Variants in MIER2 observed in about 807,000 individuals in gnomAD.
The protein encoded by MIER2 is mesoderm induction early response protein 2.
MIER2 carries 30 observed loss-of-function variants against 67.6 expected under a neutral mutation model. That is an observed-to-expected ratio of 0.44 (90% CI 0.33 to 0.60). The LOEUF is 0.60. Ranked by LOEUF, MIER2 falls within the 20% of genes least tolerant of loss-of-function variation. The probability of loss-of-function intolerance (pLI) is 0.02; values close to 1 mark genes in which losing one functional copy is unlikely to be tolerated. For missense variants in MIER2, 702 were observed against 745.1 expected (o/e 0.94, Z 0.67); for synonymous variants, 372 against 312.6 (o/e 1.19, Z -2.00).
At chr19:313,855 G>A (rs1971124987) in intron 7 of MIER2, among the ~76,000 whole-genome samples, 1 of 152,168 alleles carries the variant, frequency 6.6e-6, no homozygotes, top group African/African-American at 2.4e-5. Flanking sequence ...AGCAGGCTCT[G>A]GGCACCACAC....
intron 3 of MIER2, among the ~76,000 whole-genome samples, chr19:332,042 A>C (rs1972050764): frequency 1.3e-5 from 2 of 152,226 alleles, no homozygotes; most frequent in South Asian, 4.1e-4. Flanking sequence ...AGAGATATGG[A>C]AAACTAAAAA....
chr19:310,780 C>T lies in MIER2; in HGVS notation c.984+1065G>A, dbSNP rs192045134. 1.7e-3 allele frequency among the ~76,000 whole-genome samples: 247 copies of T among 145,068 alleles called. 2 individuals carry two copies. The highest frequency in any genetic ancestry group is 5.2e-3 in the South Asian group (24 of 4,646). On this transcript the variant is annotated intron_variant, in intron 10 of 13. Transcript: ENST00000264819. Reference sequence around the variant, plus strand: ...CAGAAACACGGAGTCCATAGAAACACGGCCCAGAGTCCAGAAACACAGCCT... The same window carrying T: ...CAGAAACACGGAGTCCATAGAAACATGGCCCAGAGTCCAGAAACACAGCCT...
intron 4 of MIER2, among the ~76,000 whole-genome samples, chr19:327,496 G>A (rs1248774931): frequency 6.6e-6 from 1 of 152,250 alleles, no homozygotes; most frequent in Non-Finnish European, 1.5e-5. Context: ...CACGCCCGGA[G>A]TGCATGGCTC....
chr19:342,587 T>C (rs1972555558), intron 1 of MIER2, among the ~76,000 whole-genome samples: 1 of 149,792 alleles, frequency 6.7e-6, no homozygotes, highest in Non-Finnish European at 1.5e-5. Context: ...GATGGTGCTC[T>C]TAGGTTTTTA....
In MIER2 at chr19:326,488, A is replaced by G; in HGVS notation, c.585+19T>C. The G allele has an allele frequency of 6.2e-7, 1 of 1,607,870 alleles. No individual in the cohort carries two copies. Among genetic ancestry groups the G allele is most frequent in the Non-Finnish European group, 8.5e-7 (1 of 1,174,570 alleles). ...CCACGGCCGGGATGCCAGGTTGGGGAGATGGCAGAACCACGTACCTTCTTA... is the reference window on the plus strand; with the variant it reads ...CCACGGCCGGGATGCCAGGTTGGGGGGATGGCAGAACCACGTACCTTCTTA... On this transcript the variant is annotated intron_variant, in intron 6 of 13. Coordinates refer to ENST00000264819, the MANE Select transcript of MIER2 (RefSeq NM_017550.3).
Position 307,436 on chromosome 19 carries a change from C to A in MIER2, c.1299G>T (p.Gln433His). Residue 433 changes from glutamine to histidine, a missense_variant, in exon 13 of 14, where the codon CAG (glutamine) becomes CAT (histidine). Gln to His is a conservative substitution (Grantham distance 24). Coordinates refer to ENST00000264819, the MANE Select transcript of MIER2 (RefSeq NM_017550.3). ...SSEPGPCSFQ[Q>H]LDESPAVPLS... ...GGGGTACAGCGGGGGACTCATCCAG[C>A]TGCTGGAAGGAACACGGCCCTGGCT... 1 of 1,593,442 alleles carries A rather than the reference C, an allele frequency of 6.3e-7. No homozygotes were observed. Among genetic ancestry groups the A allele is most frequent in the Non-Finnish European group, 8.5e-7 (1 of 1,170,314 alleles).
intron 7 of MIER2, 27 bp downstream of exon 7, chr19:325,608 C>A: frequency 6.2e-7 from 1 of 1,613,960 alleles, no homozygotes; most frequent in Non-Finnish European, 8.5e-7. Flanking sequence ...AAGTGGGTTT[C>A]GCCTCCTCTC....
At chr19:311,343 C>T (rs1387421346) in intron 10 of MIER2, among the ~76,000 whole-genome samples, 5 of 152,260 alleles carry the variant, frequency 3.3e-5, no homozygotes, top group Non-Finnish European at 7.3e-5. Context: ...CAGAGACCCA[C>T]AGAGGACGTG....
rs763025488 is a variant in MIER2 at position 308,929 on chromosome 19, C to G, written c.985-4G>C. The stretch of plus-strand genomic sequence containing the variant: ...CGCCCACTGACCGTGTGCGCACCTG[C>G]GGGGAGGGGTCAGGAGCCATCTCTG... On this transcript the variant is annotated splice_polypyrimidine_tract_variant and splice_region_variant and intron_variant, in intron 10 of 13. Transcript: ENST00000264819. The surrounding 1 kb of genome is among the most constrained non-coding windows in gnomAD (Gnocchi z 9.1). 3 of 1,598,590 alleles carry G rather than the reference C, an allele frequency of 1.9e-6. No individual in the cohort carries two copies. The highest frequency in any genetic ancestry group is 2.7e-5 in the African/African-American group (2 of 74,554).
intron 3 of MIER2, 64 bp from the exon 4 acceptor site, chr19:328,053 C>A: frequency 6.3e-7 from 1 of 1,592,110 alleles, no homozygotes. Flanking sequence ...CTGTCCCTGT[C>A]CTCTTGCCTG....
rs759800067 is a variant in MIER2, at chr19:308,839, C to T, written c.1071G>A (p.Thr357=). ...GGACGTACTTCCTCCGGCCCAGCCG[C>T]GTCTGCTGGGCGAAGTAGTCGTAGC... ...SERYDYFAQQ[T]RLGRRKYVPS... Residue 357 remains threonine, a synonymous_variant, in exon 11 of 14, where the codon ACG becomes ACA. Transcript: ENST00000264819. The surrounding 1 kb of genome is among the most constrained non-coding windows in gnomAD (Gnocchi z 9.1). 8.7e-6 allele frequency: 14 copies of T among 1,609,610 alleles called. No homozygotes were observed. The highest frequency in any genetic ancestry group is 2.2e-5 in the East Asian group (1 of 44,724).
At chr19:327,046 G>C (rs1971786135) in intron 5 of MIER2, 87 bp downstream of exon 5, 1 of 1,493,332 alleles carries the variant, frequency 6.7e-7, no homozygotes, top group Non-Finnish European at 8.9e-7. Context: ...TTCTTGGCCT[G>C]CATCAGCCCA....
chr19:323,881 C>A (rs1477367814), intron 7 of MIER2, among the ~76,000 whole-genome samples: 1 of 151,078 alleles, frequency 6.6e-6, no homozygotes, highest in Non-Finnish European at 1.5e-5. Context: ...ATGCAATACA[C>A]AAGACACACA....
At chr19:327,311 T>C (rs943634240) in intron 4 of MIER2, 55 bp from the exon 5 acceptor site, 51 of 1,540,044 alleles carry the variant, frequency 3.3e-5, no homozygotes, top group Middle Eastern at 3.5e-4. Context: ...AATCTCGCAA[T>C]ACCACTAATG....
chr19:307,330 T>A lies in MIER2; in HGVS notation c.1405A>T (p.Arg469Trp). The change falls in exon 13 of 14, where the codon AGG becomes TGG. Residue 469 changes from arginine to tryptophan, a missense_variant. This residue lies in a region of MIER2 where 254 missense variants were observed against 262.8 expected (regional missense o/e 0.97). Transcript: ENST00000264819. ...VTAPEPDASP[R>W]LAVDFALPKE... The stretch of plus-strand genomic sequence containing the variant: ...GGCAGGGCGAAGTCCACGGCCAGCC[T>A]TGGGCTGGCGTCTGGCTCCGGAGCA... 2.5e-6 allele frequency: 4 copies of A among 1,603,286 alleles called. No individual in the cohort carries two copies. The highest frequency in any genetic ancestry group is 3.4e-6 in the Non-Finnish European group (4 of 1,175,740).
In MIER2 at chr19:324,626, G is replaced by A. The variant is rs555820061; in HGVS notation, c.655+1009C>T. Among the ~76,000 whole-genome samples the A allele has an allele frequency of 1.7e-4, 25 of 150,708 alleles. No homozygotes were observed. In the East Asian group the frequency reaches 3.7e-3, roughly 22 times the overall value. On this transcript the variant is annotated intron_variant, in intron 7 of 13. Coordinates refer to ENST00000264819, the MANE Select transcript of MIER2 (RefSeq NM_017550.3). ...ACACACACAACCACGCAGACGACTCGAATGACACAGACGTCATCACAATGC... is the reference window on the plus strand; with the variant it reads ...ACACACACAACCACGCAGACGACTCAAATGACACAGACGTCATCACAATGC...
intron 7 of MIER2, among the ~76,000 whole-genome samples, chr19:317,270 G>A (rs905355663): frequency 2.0e-5 from 3 of 151,992 alleles, no homozygotes; most frequent in African/African-American, 7.3e-5. Flanking sequence ...GCGGGCACCT[G>A]TAATCCCAGC....
chr19:308,944 A>G lies in MIER2; in HGVS notation c.985-19T>C. The G allele has an allele frequency of 6.3e-7, 1 of 1,593,468 alleles. No homozygotes were observed. The highest frequency in any genetic ancestry group is 8.6e-7 in the Non-Finnish European group (1 of 1,164,932). ...TGCGCACCTGCGGGGAGGGGTCAGGAGCCATCTCTGTCCCCGGCTGCCCAG... is the reference window on the plus strand; with the variant it reads ...TGCGCACCTGCGGGGAGGGGTCAGGGGCCATCTCTGTCCCCGGCTGCCCAG... On this transcript the variant is annotated intron_variant, in intron 10 of 13. Transcript: ENST00000264819. This position sits in a 1 kb window ranked among gnomAD's most constrained non-coding sequence, Gnocchi z 9.1.
At chr19:326,358 C>T (rs910869358) in intron 6 of MIER2, 149 bp downstream of exon 6, 11 of 659,116 alleles carry the variant, frequency 1.7e-5, no homozygotes, top group East Asian at 5.1e-5. Flanking sequence ...GGCAGAGCCA[C>T]GGCCGGGATG....
Sources: gnomAD v4.1 joint callset for allele counts (sites outside exome capture counted in the v4.1 genomes callset) on GRCh38, gnomAD v4.1.1 for gene constraint, gnomAD v4.1.1 regional missense constraint, Gnocchi (gnomAD v3.1) non-coding constraint, MANE v1.5 for transcripts, NCBI Gene and HGNC (gene_info 2026-07-23, HGNC 2026-07-21) for gene names.